CACNG4: variants seen among roughly 807,000 people sequenced by gnomAD.
CACNG4 encodes the protein voltage-dependent calcium channel gamma-4 subunit.
A neutral mutation model predicts 22.9 loss-of-function variants in CACNG4; 8 were observed. The observed-to-expected ratio is 0.35, with a 90% CI of 0.21 to 0.63. CACNG4 has a LOEUF of 0.63. CACNG4 is among the 30% of genes least tolerant of loss of function. The probability of loss-of-function intolerance (pLI) is 0.72; values close to 1 mark genes in which losing one functional copy is unlikely to be tolerated. For missense variants in CACNG4, 357 were observed against 455.4 expected (o/e 0.78, Z 1.97); for synonymous variants, 188 against 191.9 (o/e 0.98, Z 0.17).
At chr17:66,972,519 G>GGA (rs2035210854) in intron 1 of CACNG4, among the ~76,000 whole-genome samples, 1 of 152,236 alleles carries the variant, frequency 6.6e-6, no homozygotes, top group African/African-American at 2.4e-5. Context: ...CTGCCCCCAT[G>GGA]GAGAACCTCT....
chr17:66,967,931 C>A (rs538259732), intron 1 of CACNG4, among the ~76,000 whole-genome samples: 8 of 152,348 alleles, frequency 5.3e-5, no homozygotes, highest in African/African-American at 1.9e-4. Context: ...CTTCACAGGG[C>A]TGACCTTGTC....
chr17:66,971,404 G>A (rs1173995638), intron 1 of CACNG4, among the ~76,000 whole-genome samples: 2 of 152,176 alleles, frequency 1.3e-5, no homozygotes, highest in African/African-American at 4.8e-5. Context: ...TGGGTGTGCT[G>A]CTGTTCCCTC....
chr17:66,980,070 A>C (rs1161562780), intron 1 of CACNG4, among the ~76,000 whole-genome samples: 1 of 152,078 alleles, frequency 6.6e-6, no homozygotes, highest in Non-Finnish European at 1.5e-5. Context: ...TTTTATTCTT[A>C]AATGCATCCA....
At position 66,966,857 on chromosome 17, in the gene CACNG4, T is replaced by A. The variant is rs117076678; in HGVS notation, c.220+1726T>A. ...AAAAACATCATTTTTAGTGTGCAAT[T>A]GCTCAGATCACGAACACCTACTCCT... On this transcript the variant is annotated intron_variant, in intron 1 of 3. Coordinates refer to ENST00000262138, the MANE Select transcript of CACNG4 (RefSeq NM_014405.4). 4.6e-5 allele frequency among the ~76,000 whole-genome samples: 7 copies of A among 152,344 alleles called. No homozygotes were observed. The East Asian group carries it at 1.4e-3, about 29-fold the overall frequency.
intron 1 of CACNG4, among the ~76,000 whole-genome samples, chr17:66,994,332 A>AC (rs1379996449): frequency 2.6e-5 from 4 of 151,268 alleles, no homozygotes; most frequent in African/African-American, 9.8e-5. Context: ...ATTTCCAAAA[A>AC]AAAAAAAAAA....
At chr17:67,019,319 T>C (rs1263180483) in intron 2 of CACNG4, among the ~76,000 whole-genome samples, 1 of 152,064 alleles carries the variant, frequency 6.6e-6, no homozygotes, top group African/African-American at 2.4e-5. Flanking sequence ...CATGAACTAA[T>C]TTGGCCACCG....
chr17:66,989,456 A>C (rs1377806185), intron 1 of CACNG4, among the ~76,000 whole-genome samples: 4 of 151,526 alleles, frequency 2.6e-5, no homozygotes, highest in Admixed American at 2.6e-4. Context: ...AGAGAAAAGC[A>C]TGGGGCAGAT....
chr17:66,980,901 G>C (rs1034740099), intron 1 of CACNG4, among the ~76,000 whole-genome samples: 2 of 152,078 alleles, frequency 1.3e-5, no homozygotes, highest in Non-Finnish European at 2.9e-5. Flanking sequence ...TTACAGGCGT[G>C]AGCCACCGCA....
intron 1 of CACNG4, among the ~76,000 whole-genome samples, chr17:66,971,122 A>G (rs1052846406): frequency 1.3e-5 from 2 of 152,138 alleles, no homozygotes; most frequent in African/African-American, 4.8e-5. Context: ...CTGTTCTGGA[A>G]CACTCCTCCC....
At chr17:67,017,236 T>C (rs2035503820) in intron 1 of CACNG4, among the ~76,000 whole-genome samples, 1 of 151,150 alleles carries the variant, frequency 6.6e-6, no homozygotes. Flanking sequence ...CCCACCACAT[T>C]CAGCTAATTT....
intron 1 of CACNG4, among the ~76,000 whole-genome samples, chr17:66,970,109 C>T (rs1243351144): frequency 6.6e-6 from 1 of 152,218 alleles, no homozygotes; most frequent in Non-Finnish European, 1.5e-5. Flanking sequence ...TTGCCAGCAA[C>T]ACCTCAAGGT....
At chr17:66,990,899 C>T (rs1415355451) in intron 1 of CACNG4, among the ~76,000 whole-genome samples, 1 of 151,994 alleles carries the variant, frequency 6.6e-6, no homozygotes, top group African/African-American at 2.4e-5. Flanking sequence ...TCAGGATGGT[C>T]TCGATCTCCT....
chr17:66,981,831 T>G (rs1200910947), intron 1 of CACNG4, among the ~76,000 whole-genome samples: 1 of 152,268 alleles, frequency 6.6e-6, no homozygotes, highest in Non-Finnish European at 1.5e-5. Context: ...CCATATGTTA[T>G]CTCAACTTAT....
chr17:66,977,720 C>G (rs1159409819), intron 1 of CACNG4, among the ~76,000 whole-genome samples: 2 of 152,330 alleles, frequency 1.3e-5, no homozygotes, highest in Admixed American at 1.3e-4. Flanking sequence ...AGAGCTACCA[C>G]ACGCACCTGC....
At position 67,032,156 on chromosome 17, in the gene CACNG4, A is replaced by C; in HGVS notation, c.*1152A>C. 1 of 375,480 alleles carries C rather than the reference A, an allele frequency of 2.7e-6. No homozygotes were observed. The highest frequency in any genetic ancestry group is 2.0e-5 in the South Asian group (1 of 49,538). The allele number at this position is 375,480 out of a possible 1,614,324, so 23.3% of individuals were successfully genotyped here. A position where few individuals can be genotyped will look rare whatever the true frequency, so the allele number is the denominator to read the frequency against. Reference sequence around the variant, plus strand: ...GCCACCACCTAACAGGACGGAGTGGAGTGAGTTTGGATAAACGGACCGAGC... The same window carrying C: ...GCCACCACCTAACAGGACGGAGTGGCGTGAGTTTGGATAAACGGACCGAGC... On this transcript the variant is annotated 3_prime_UTR_variant, in exon 4 of 4. Transcript: ENST00000262138.
intron 1 of CACNG4, among the ~76,000 whole-genome samples, chr17:66,991,433 C>A (rs1035937126): frequency 6.6e-6 from 1 of 152,336 alleles, no homozygotes; most frequent in Non-Finnish European, 1.5e-5. Flanking sequence ...GGAGTGCCCC[C>A]TCTCCCCTCC....
chr17:67,030,836 G>T lies in CACNG4; in HGVS notation c.816G>T (p.Gly272=). 1 of 1,613,864 alleles carries T rather than the reference G, an allele frequency of 6.2e-7. No homozygotes were observed. Residue 272 remains glycine (G), a synonymous_variant, in exon 4 of 4, where the codon GGG becomes GGT. Transcript: ENST00000262138. This position sits in a 1 kb window ranked among gnomAD's most constrained non-coding sequence, Gnocchi z 6.4. Reference sequence around the variant, plus strand: ...AGATCACAGGGGCCATCCCCATGGGGGAGCTGTCCATGTACACGCTGTCCA... The same window carrying T: ...AGATCACAGGGGCCATCCCCATGGGTGAGCTGTCCATGTACACGCTGTCCA... ...GLKITGAIPM[G]ELSMYTLSRE... is the part of the protein sequence containing the mutation.
intron 1 of CACNG4, among the ~76,000 whole-genome samples, chr17:66,973,629 A>T (rs2035218059): frequency 6.6e-6 from 1 of 152,194 alleles, no homozygotes; most frequent in South Asian, 2.1e-4. Context: ...ACAGCGATGG[A>T]AACTCCCTCC....
In CACNG4 at chr17:67,031,309, A is replaced by C. The variant is rs2035604398; in HGVS notation, c.*305A>C. 1.7e-6 allele frequency: 1 copy of C among 578,998 alleles called. No individual in the cohort carries two copies. Among genetic ancestry groups the C allele is most frequent in the Non-Finnish European group, 3.3e-6 (1 of 307,202 alleles). 35.9% of individuals were successfully genotyped at this position (578,998 alleles called of 1,614,324 possible). A position where few individuals can be genotyped will look rare whatever the true frequency, so the allele number is the denominator to read the frequency against. ...TCCTGAGGCTGCCTGGCCTTGATCAACTTGGGAAGACAAAATTGAGCCATT... is the reference window on the plus strand; with the variant it reads ...TCCTGAGGCTGCCTGGCCTTGATCACCTTGGGAAGACAAAATTGAGCCATT... On this transcript the variant is annotated 3_prime_UTR_variant, in exon 4 of 4. Coordinates refer to ENST00000262138, the MANE Select transcript of CACNG4 (RefSeq NM_014405.4). The surrounding 1 kb of genome is among the most constrained non-coding windows in gnomAD (Gnocchi z 4.0).
Sources: gnomAD v4.1 joint callset for allele counts (sites outside exome capture counted in the v4.1 genomes callset) on GRCh38, gnomAD v4.1.1 for gene constraint, Gnocchi (gnomAD v3.1) non-coding constraint, MANE v1.5 for transcripts, NCBI Gene and HGNC (gene_info 2026-07-23, HGNC 2026-07-21) for gene names.